PRKCH: variants seen among roughly 807,000 people sequenced by gnomAD.
PRKCH encodes the protein protein kinase C eta, also known as protein kinase C eta type.
PRKCH carries 28 observed loss-of-function variants against 82.5 expected under a neutral mutation model. The ratio of observed to expected loss-of-function variants is 0.34; its 90% confidence interval spans 0.25 to 0.47. PRKCH has a LOEUF of 0.47. PRKCH is among the 20% of genes least tolerant of loss of function. PRKCH has a pLI of 1.00. For missense variants in PRKCH, 705 were observed against 881.8 expected, an observed-to-expected ratio of 0.80 and a Z score of 2.54; for synonymous variants, 322 against 327.4, an observed-to-expected ratio of 0.98 and a Z score of 0.18.
intron 10 of PRKCH, among the ~76,000 whole-genome samples, chr14:61,511,754 A>C (rs1162450528): frequency 6.6e-6 from 1 of 152,188 alleles, no homozygotes; most frequent in Non-Finnish European, 1.5e-5. Flanking sequence ...CCTCCTTTGC[A>C]TCAGTGGAAA....
chr14:61,191,069 AG>A (rs962417285), intron 1 of PRKCH, among the ~76,000 whole-genome samples: 1 of 152,224 alleles, frequency 6.6e-6, no homozygotes, highest in Non-Finnish European at 1.5e-5. Flanking sequence ...ACAATGAAAA[AG>A]ATTATTATTA....
intron 2 of PRKCH, among the ~76,000 whole-genome samples, chr14:61,410,612 A>G (rs574147974): frequency 1.3e-5 from 2 of 152,318 alleles, no homozygotes; most frequent in South Asian, 2.1e-4. Flanking sequence ...GAGTGAGGCA[A>G]AGAGCACTGG....
At chr14:61,487,772 C>G (rs79761887) in intron 10 of PRKCH, among the ~76,000 whole-genome samples, 1 of 150,908 alleles carries the variant, frequency 6.6e-6, no homozygotes, top group Non-Finnish European at 1.5e-5. Context: ...CGGGGAGGAT[C>G]GCTTGAGCCT....
At chr14:61,434,788 AAG>A (rs1317939647) in intron 2 of PRKCH, among the ~76,000 whole-genome samples, 1 of 152,158 alleles carries the variant, frequency 6.6e-6, no homozygotes, top group African/African-American at 2.4e-5. Context: ...TGCGAGACCA[AAG>A]AGAGAGGATC....
chr14:61,459,224 C>T (rs1335584425), intron 9 of PRKCH, among the ~76,000 whole-genome samples: 1 of 152,130 alleles, frequency 6.6e-6, no homozygotes, highest in African/African-American at 2.4e-5. Context: ...CTGGCCTGTG[C>T]CACCATCAAG....
At chr14:61,526,948 G>A (rs2042973037) in intron 10 of PRKCH, among the ~76,000 whole-genome samples, 1 of 152,226 alleles carries the variant, frequency 6.6e-6, no homozygotes, top group Non-Finnish European at 1.5e-5. Context: ...AAAAACCAAA[G>A]TGTAAATGTC....
Position 61,437,931 on chromosome 14 carries a change from T to TA in PRKCH, c.428-5169dup, listed in dbSNP as rs78466651. ...AGCAACACAGCAAGACCCTGTCTCT[T>TA]AAAAAAAAAAATCCTTTCTATTCCT... On this transcript the variant is annotated intron_variant, in intron 2 of 13. Coordinates refer to ENST00000332981, the MANE Select transcript of PRKCH (RefSeq NM_006255.5). 5.4e-3 allele frequency among the ~76,000 whole-genome samples: 794 copies of TA among 148,044 alleles called. 4 individuals carry two copies. The highest frequency in any genetic ancestry group is 0.017 in the Middle Eastern group (5 of 288).
At chr14:61,249,422 G>A (rs148502336) in intron 1 of PRKCH, among the ~76,000 whole-genome samples, 3 of 151,218 alleles carry the variant, frequency 2.0e-5, no homozygotes, top group Non-Finnish European at 2.9e-5. Flanking sequence ...ACTCACTTTG[G>A]CAGCACATAT....
chr14:61,482,791 C>T (rs949055314), intron 9 of PRKCH, among the ~76,000 whole-genome samples: 14 of 152,210 alleles, frequency 9.2e-5, no homozygotes, highest in African/African-American at 3.4e-4. Context: ...TGAGAATCTG[C>T]CTCCAGGGCT....
intron 2 of PRKCH, among the ~76,000 whole-genome samples, chr14:61,441,772 T>C (rs1039398615): frequency 6.6e-6 from 1 of 150,958 alleles, no homozygotes; most frequent in African/African-American, 2.4e-5. Flanking sequence ...ATTTCTTAAA[T>C]TGCAAATCTG....
At chr14:61,276,348 CT>C (rs369236321) in intron 1 of PRKCH, among the ~76,000 whole-genome samples, 15,507 of 144,332 alleles carry the variant, frequency 0.11, 886 homozygotes, top group South Asian at 0.17. Flanking sequence ...AGAAGAGGGA[CT>C]TTTTTTTTTT....
chr14:61,280,011 G>T lies in PRKCH; in HGVS notation c.-19+92343G>T. The T allele has an allele frequency of 8.0e-7, 1 of 1,245,374 alleles. No individual in the cohort carries two copies. Among genetic ancestry groups the T allele is most frequent in the Non-Finnish European group, 1.1e-6 (1 of 906,210 alleles). The allele number at this position is 1,245,374 out of a possible 1,614,324, so 77.1% of individuals were successfully genotyped here. ...GAAAAGCTAGGCGAGGTTGGAATTG[G>T]GTGACGGGCGAGGAGGAGATGCCAA... On this transcript the variant is annotated intron_variant, in intron 1 of 3. Transcript: ENST00000555185. This position sits in a 1 kb window ranked among gnomAD's most constrained non-coding sequence, Gnocchi z 5.0.
At chr14:61,286,197 C>T (rs570007007) in intron 1 of PRKCH, among the ~76,000 whole-genome samples, 1 of 152,324 alleles carries the variant, frequency 6.6e-6, no homozygotes, top group South Asian at 2.1e-4. Flanking sequence ...TTACTCTGCC[C>T]ATGGGGCAGC....
At chr14:61,488,891 T>A (rs1462116481) in intron 10 of PRKCH, among the ~76,000 whole-genome samples, 1 of 152,220 alleles carries the variant, frequency 6.6e-6, no homozygotes, top group Non-Finnish European at 1.5e-5. Context: ...GAGAATTGAT[T>A]TTAATTTACT....
At position 61,500,936 on chromosome 14, in the gene PRKCH, A is replaced by G. The variant is rs78918253; in HGVS notation, c.1433+15280A>G. ...CAGGATAATGTTTAAGACTGGCCAC[A>G]GACTCAGGTTGATTGCATGGAACAG... On this transcript the variant is annotated intron_variant, in intron 10 of 13. Transcript: ENST00000332981. Among the ~76,000 whole-genome samples, 503 of 152,318 alleles carry G rather than the reference A, an allele frequency of 3.3e-3. 2 individuals are homozygous for G. The highest frequency in any genetic ancestry group is 0.012 in the African/African-American group (487 of 41,524).
intron 1 of PRKCH, among the ~76,000 whole-genome samples, chr14:61,328,631 A>C (rs1317348125): frequency 6.6e-6 from 1 of 152,074 alleles, no homozygotes; most frequent in Non-Finnish European, 1.5e-5. Context: ...TTTTATGAGA[A>C]GAGTAGCATT....
chr14:61,510,340 G>T (rs1466373450), intron 10 of PRKCH, among the ~76,000 whole-genome samples: 1 of 152,142 alleles, frequency 6.6e-6, no homozygotes, highest in East Asian at 1.9e-4. Context: ...GAAGCCAGGA[G>T]TTCAAGTAGG....
chr14:61,275,487 A>T (rs193015192), intron 1 of PRKCH, among the ~76,000 whole-genome samples: 1 of 152,330 alleles, frequency 6.6e-6, no homozygotes, highest in East Asian at 1.9e-4. Flanking sequence ...TTAAGAGCTC[A>T]ATGTAGAGGG....
chr14:61,462,410 G>A (rs924941564), intron 9 of PRKCH, among the ~76,000 whole-genome samples: 13 of 152,158 alleles, frequency 8.5e-5, no homozygotes, highest in Non-Finnish European at 1.5e-4. Context: ...AGAAAAAAAA[G>A]CAGCAAAGGA....
Sources: allele counts gnomAD v4.1 joint callset (sites outside exome capture counted in the v4.1 genomes callset), GRCh38; gene constraint gnomAD v4.1.1; non-coding constraint Gnocchi (gnomAD v3.1); transcripts MANE v1.5; gene names NCBI Gene and HGNC (gene_info 2026-07-23, HGNC 2026-07-21).